Variants in FAM161A observed in about 807,000 individuals in gnomAD.
FAM161A encodes the protein FAM161 centrosomal protein A, also known as protein FAM161A.
FAM161A carries 57 observed loss-of-function variants against 70.9 expected under a neutral mutation model. The ratio of observed to expected loss-of-function variants is 0.80; its 90% CI spans 0.65 to 1.00. The LOEUF (loss-of-function observed/expected upper bound fraction) is 1.00, where lower values mean the gene tolerates loss of function less well. Among genes scored for constraint, FAM161A ranks in the 50% least tolerant of loss-of-function variants. FAM161A has a pLI of 0.00. For missense variants in FAM161A, 880 were observed against 836.0 expected (o/e 1.05, Z -0.65); for synonymous variants, 299 against 295.7 (o/e 1.01, Z -0.12).
At chr2:61,838,891 TA>T (rs56950338) in intron 3 of FAM161A, among the ~76,000 whole-genome samples, 186 bp from the exon 4 acceptor site, 8 of 135,936 alleles carry the variant, frequency 5.9e-5, no homozygotes, top group African/African-American at 1.6e-4. Context: ...TTTATTTATT[TA>T]TTTTTTTTGA....
In FAM161A at chr2:61,839,557, A is replaced by G. The variant is rs1346860547; in HGVS notation, c.1447T>C (p.Leu483=). The G allele has an allele frequency of 2.1e-5, 34 of 1,614,132 alleles. No individual in the cohort carries two copies. Among genetic ancestry groups the G allele is most frequent in the Non-Finnish European group, 2.8e-5 (33 of 1,180,024 alleles). The change falls in exon 3 of 7, where the codon TTA becomes CTA. Residue 483 remains leucine (L), a synonymous_variant. Coordinates refer to ENST00000404929, the MANE Select transcript of FAM161A (RefSeq NM_001201543.2). ...AAATAAGGCCAACGTGTTTCTTTTA[A>G]ATTTTCTTCATCTGCTTCGATGTCT... ...LADIEADEEN[L]KETRWPYLSP... is the part of the protein sequence containing the mutation.
rs1270805003 is a variant in FAM161A at position 61,825,818 on chromosome 2, T to C, written c.*637A>G. 2.3e-6 allele frequency: 1 copy of C among 428,672 alleles called. No homozygotes were observed. Among genetic ancestry groups the C allele is most frequent in the Non-Finnish European group, 4.6e-6 (1 of 216,540 alleles). The allele number at this position is 428,672 out of a possible 1,614,324, so 26.6% of individuals were successfully genotyped here. A position where few individuals can be genotyped will look rare whatever the true frequency, so the allele number is the denominator to read the frequency against. ...ACGCCTGGCTAATTTTTTGTATTTT[T>C]AGTAGAGACGGGGTTTCATCGTGTT... On this transcript the variant is annotated 3_prime_UTR_variant, in exon 7 of 7. Coordinates refer to ENST00000404929, the MANE Select transcript of FAM161A (RefSeq NM_001201543.2).
chr2:61,816,064 T>C, the FAM161A span, among the ~76,000 whole-genome samples: 4 of 152,158 alleles, frequency 2.6e-5, no homozygotes, highest in African/African-American at 9.7e-5. Context: ...AGCTCAAGTC[T>C]TGCTTGCTTT....
intron 5 of FAM161A, among the ~76,000 whole-genome samples, chr2:61,834,792 T>C (rs1008185313): frequency 2.0e-5 from 3 of 151,964 alleles, no homozygotes; most frequent in African/African-American, 7.2e-5. Flanking sequence ...CCTGCGCATA[T>C]ACTCCTTGAA....
the FAM161A span, among the ~76,000 whole-genome samples, chr2:61,808,552 A>G: frequency 6.6e-6 from 1 of 152,204 alleles, no homozygotes; most frequent in African/African-American, 2.4e-5. Flanking sequence ...GATTACAGGC[A>G]TGAGCCACCG....
At chr2:61,836,866 G>T in intron 4 of FAM161A, 1 of 235,898 alleles carries the variant, frequency 4.2e-6, no homozygotes, top group Non-Finnish European at 9.4e-6. Flanking sequence ...GAGCCATTGC[G>T]CCTGGCCTAT....
rs1672297812 is a variant in FAM161A, at chr2:61,825,035, C to A, written c.*1420G>T. The A allele has an allele frequency of 4.4e-6, 2 of 453,738 alleles. No individual in the cohort carries two copies. The highest frequency in any genetic ancestry group is 3.1e-5 in the South Asian group (2 of 64,242). The allele number at this position is 453,738 out of a possible 1,614,324, so 28.1% of individuals were successfully genotyped here. A position where few individuals can be genotyped will look rare whatever the true frequency, so the allele number is the denominator to read the frequency against. ...GAAAATTACAAGTAAACATTTGCCC[C>A]TGATGGAGAAAAATGACCTTATTTT... is the stretch of plus-strand genomic sequence containing the variant. On this transcript the variant is annotated 3_prime_UTR_variant, in exon 7 of 7. Coordinates refer to ENST00000404929, the MANE Select transcript of FAM161A (RefSeq NM_001201543.2).
Position 61,840,008 on chromosome 2 carries a change from T to C in FAM161A, c.996A>G (p.Glu332=), listed in dbSNP as rs757168195. Residue 332 remains glutamate, a synonymous_variant, in exon 3 of 7, where the codon GAA becomes GAG. Transcript: ENST00000404929. Reference sequence around the variant, plus strand: ...GCTTTTCCCGGGCTGCTCGCTTCTGTTCCTCCCTTGCTATAAATTTAAATG... The same window carrying C: ...GCTTTTCCCGGGCTGCTCGCTTCTGCTCCTCCCTTGCTATAAATTTAAATG... ...QKPFKFIARE[E]QKRAAREKQL... 1 of 1,614,218 alleles carries C rather than the reference T, an allele frequency of 6.2e-7. No homozygotes were observed. The highest frequency in any genetic ancestry group is 1.7e-5 in the Admixed American group (1 of 60,028).
chr2:61,832,264 CAA>C (rs1672610409), intron 5 of FAM161A, among the ~76,000 whole-genome samples: 2 of 135,112 alleles, frequency 1.5e-5, no homozygotes, highest in African/African-American at 2.7e-5. Context: ...AAAAAACCAA[CAA>C]CAACAACAAC....
chr2:61,819,705 C>T, the FAM161A span, among the ~76,000 whole-genome samples: 8 of 152,080 alleles, frequency 5.3e-5, no homozygotes. Context: ...TGCAGTTCCT[C>T]AACCACACAC....
chr2:61,810,453 CTTTTTTT>C, the FAM161A span, among the ~76,000 whole-genome samples: 1 of 95,616 alleles, frequency 1.0e-5, no homozygotes. Flanking sequence ...CCAGCACTTC[CTTTTTTT>C]TTTTTTTTTT....
the FAM161A span, among the ~76,000 whole-genome samples, chr2:61,802,950 GTAA>G: frequency 2.6e-5 from 4 of 152,148 alleles, no homozygotes; most frequent in Non-Finnish European, 5.9e-5. Flanking sequence ...TAGCAAGAAG[GTAA>G]TAGTAGCTTA....
chr2:61,803,088 T>C, the FAM161A span: 1 of 390,988 alleles, frequency 2.6e-6, no homozygotes, highest in South Asian at 2.3e-5. Context: ...ACACATAGGA[T>C]AGGACACAGT....
chr2:61,803,469 G>A, the FAM161A span: 2 of 613,904 alleles, frequency 3.3e-6, no homozygotes, highest in Non-Finnish European at 5.9e-6. Context: ...AAAAGCCGAA[G>A]GAGTAAAGAT....
intron 5 of FAM161A, among the ~76,000 whole-genome samples, chr2:61,834,764 G>C (rs1672709590): frequency 6.6e-6 from 1 of 151,886 alleles, no homozygotes; most frequent in African/African-American, 2.4e-5. Context: ...ACGGCGCCTG[G>C]CATACCCTTG....
downstream of FAM161A, among the ~76,000 whole-genome samples, chr2:61,823,490 G>A (rs1042518951): frequency 3.3e-5 from 5 of 151,316 alleles, no homozygotes; most frequent in East Asian, 3.9e-4. Context: ...TTAGCTTCCC[G>A]AGTATCTGGG....
At chr2:61,851,039 T>C (rs555418089) in intron 1 of FAM161A, among the ~76,000 whole-genome samples, 39 of 151,992 alleles carry the variant, frequency 2.6e-4, no homozygotes, top group Non-Finnish European at 5.3e-4. Context: ...CACGCCCGGC[T>C]AATTTTGTAT....
At chr2:61,841,752 C>T (rs544555269) in intron 2 of FAM161A, among the ~76,000 whole-genome samples, 14 of 152,178 alleles carry the variant, frequency 9.2e-5, no homozygotes, top group Non-Finnish European at 1.6e-4. Context: ...ATTCATGTCT[C>T]CTAGTCCTGA....
chr2:61,841,192 C>T (rs949319063), intron 2 of FAM161A, among the ~76,000 whole-genome samples: 3 of 152,076 alleles, frequency 2.0e-5, no homozygotes, highest in African/African-American at 7.2e-5. Context: ...CATGTCATTC[C>T]CCTGCTTGAA....
Sources: gnomAD v4.1 joint callset for allele counts (sites outside exome capture counted in the v4.1 genomes callset) on GRCh38, gnomAD v4.1.1 for gene constraint, MANE v1.5 for transcripts, NCBI Gene and HGNC (gene_info 2026-07-23, HGNC 2026-07-21) for gene names.